SYT16: variants seen among roughly 807,000 people sequenced by gnomAD.
SYT16 encodes synaptotagmin 16, also known as synaptotagmin-16.
SYT16 carries 42 observed loss-of-function variants against 61.4 expected under a neutral mutation model. The ratio of observed to expected loss-of-function variants is 0.68; its 90% CI spans 0.53 to 0.89. SYT16 has a LOEUF of 0.89. Among genes scored for constraint, SYT16 ranks in the 40% least tolerant of loss-of-function variants. SYT16 has a pLI of 0.00. For synonymous variants in SYT16, 314 were observed against 302.3 expected (o/e 1.04, Z -0.40); for missense variants, 804 against 807.3 (o/e 1.00, Z 0.05).
intron 1 of SYT16, among the ~76,000 whole-genome samples, chr14:61,867,475 C>G (rs1444945455): frequency 6.6e-6 from 1 of 151,944 alleles, no homozygotes; most frequent in African/African-American, 2.4e-5. Context: ...TAGCCAACGT[C>G]TAGAAGACCC....
intron 1 of SYT16, among the ~76,000 whole-genome samples, chr14:61,873,609 C>T (rs1461187123): frequency 6.6e-6 from 1 of 152,160 alleles, no homozygotes; most frequent in Non-Finnish European, 1.5e-5. Context: ...ATCATTTTCT[C>T]ACATGAGTAG....
At position 62,105,011 on chromosome 14, in the gene SYT16, C is replaced by T. The variant is rs529133988; in HGVS notation, c.*4304C>T. On this transcript the variant is annotated 3_prime_UTR_variant, in exon 8 of 8. Coordinates refer to ENST00000683842, the MANE Select transcript of SYT16 (RefSeq NM_001367656.1). ...AACACTAGAGAAAAACAAAAACCAACGTTCAGATACTGTAACAAGGATAGG... is the reference window on the plus strand; with the variant it reads ...AACACTAGAGAAAAACAAAAACCAATGTTCAGATACTGTAACAAGGATAGG... 3 of 152,276 alleles carry T rather than the reference C, an allele frequency of 2.0e-5. 1 individual carries two copies. Among genetic ancestry groups the T allele is most frequent in the South Asian group, 4.1e-4 (2 of 4,826 alleles). 9.4% of individuals were successfully genotyped at this position (152,276 alleles called of 1,614,324 possible).
At position 62,086,791 on chromosome 14, in the gene SYT16, G is replaced by A. The variant is rs529020400; in HGVS notation, c.1624+2406G>A. Among the ~76,000 whole-genome samples, 7 of 152,340 alleles carry A rather than the reference G, an allele frequency of 4.6e-5. 1 individual carries two copies. Among genetic ancestry groups the A allele is most frequent in the African/African-American group, 1.7e-4 (7 of 41,584 alleles). On this transcript the variant is annotated intron_variant, in intron 7 of 7. Coordinates refer to ENST00000683842, the MANE Select transcript of SYT16 (RefSeq NM_001367656.1). ...TAAGTCTATTTGGCATTTAGTACAT[G>A]ATTTGCCATAGGCATAGTGTTGCAA...
intron 1 of SYT16, among the ~76,000 whole-genome samples, chr14:61,872,658 G>A (rs553712364): frequency 5.9e-5 from 9 of 152,192 alleles, no homozygotes; most frequent in Admixed American, 2.0e-4. Context: ...ACTGAGAAGA[G>A]GAACTGAGTA....
At chr14:61,917,126 A>T (rs1485780936) in intron 1 of SYT16, among the ~76,000 whole-genome samples, 4 of 152,162 alleles carry the variant, frequency 2.6e-5, no homozygotes, top group Admixed American at 6.5e-5. Flanking sequence ...TTGCTGGATC[A>T]TATGGTAGGT....
chr14:62,062,483 G>A (rs1257237473), intron 3 of SYT16, among the ~76,000 whole-genome samples: 3 of 152,254 alleles, frequency 2.0e-5, no homozygotes, highest in African/African-American at 4.8e-5. Context: ...ACACCTCCAC[G>A]TCTACGTTGG....
At chr14:61,932,227 C>T (rs553630238) in intron 1 of SYT16, among the ~76,000 whole-genome samples, 1 of 152,346 alleles carries the variant, frequency 6.6e-6, no homozygotes, top group South Asian at 2.1e-4. Flanking sequence ...TTGGCCTCGC[C>T]TTTCTGACTA....
chr14:61,847,525 C>A (rs560863974), intron 1 of SYT16, among the ~76,000 whole-genome samples: 2 of 151,978 alleles, frequency 1.3e-5, no homozygotes, highest in African/African-American at 4.8e-5. Context: ...TATTAAATAC[C>A]TTGAGGTAGT....
chr14:61,856,039 G>A (rs928850659), intron 1 of SYT16, among the ~76,000 whole-genome samples: 5 of 152,200 alleles, frequency 3.3e-5, no homozygotes, highest in African/African-American at 1.2e-4. Flanking sequence ...TGTGGTTGAG[G>A]GATGGCGGGG....
chr14:61,920,419 T>G (rs2049286720), intron 1 of SYT16, among the ~76,000 whole-genome samples: 1 of 152,074 alleles, frequency 6.6e-6, no homozygotes, highest in South Asian at 2.1e-4. Flanking sequence ...ATGCTCTCCC[T>G]CCCCTTGTCC....
intron 2 of SYT16, among the ~76,000 whole-genome samples, chr14:61,973,562 A>G (rs191265975): frequency 4.3e-4 from 66 of 152,326 alleles, no homozygotes; most frequent in Non-Finnish European, 1.5e-4. Context: ...ATTAAAAATA[A>G]AAATTTCACA....
chr14:61,878,254 T>C (rs1594811545), intron 1 of SYT16, among the ~76,000 whole-genome samples: 2 of 152,202 alleles, frequency 1.3e-5, no homozygotes, highest in African/African-American at 4.8e-5. Context: ...TCTCAGTATG[T>C]TTTAAACATT....
In SYT16 at chr14:61,833,185, A is replaced by G. The variant is rs114973383; in HGVS notation, c.-325+20375A>G. On this transcript the variant is annotated intron_variant, in intron 1 of 7. Transcript: ENST00000683842. ...TCCTGGATCACTTTTTATAGTAACAATTCATCTTGGAGTATTAAAAACTGT... is the reference window on the plus strand; with the variant it reads ...TCCTGGATCACTTTTTATAGTAACAGTTCATCTTGGAGTATTAAAAACTGT... Among the ~76,000 whole-genome samples, 1,454 of 152,168 alleles carry G rather than the reference A, an allele frequency of 9.6e-3. 25 individuals are homozygous for G. The highest frequency in any genetic ancestry group is 0.033 in the African/African-American group (1,379 of 41,538).
rs71449576 is a variant in SYT16, at chr14:62,039,834, TACACACAC to T, written c.524-29732_524-29725del. On this transcript the variant is annotated intron_variant, in intron 3 of 7. Coordinates refer to ENST00000683842, the MANE Select transcript of SYT16 (RefSeq NM_001367656.1). ...AGCCAAATTCAGAGGGGCTTAAGCA[TACACACAC>T]ACACACACACACACACACACACACA... is the stretch of plus-strand genomic sequence containing the variant. Among the ~76,000 whole-genome samples, 963 of 124,394 alleles carry T rather than the reference TACACACAC, an allele frequency of 7.7e-3. 1 individual carries two copies. Among genetic ancestry groups the T allele is most frequent in the African/African-American group, 0.011 (382 of 35,768 alleles). The allele number at this position is 124,394 out of a possible 152,430, so 81.6% of individuals were successfully genotyped here. A position where few individuals can be genotyped will look rare whatever the true frequency, so the allele number is the denominator to read the frequency against.
intron 3 of SYT16, among the ~76,000 whole-genome samples, chr14:62,065,514 C>G (rs1195586380): frequency 1.3e-5 from 2 of 152,062 alleles, no homozygotes; most frequent in Non-Finnish European, 2.9e-5. Context: ...GAAAAAAAAT[C>G]AAGAACCATA....
At chr14:61,876,913 A>G (rs1460355955) in intron 1 of SYT16, among the ~76,000 whole-genome samples, 1 of 152,240 alleles carries the variant, frequency 6.6e-6, no homozygotes, top group African/African-American at 2.4e-5. Context: ...TGCTTCAGCT[A>G]CAGTTGGAGA....
intron 3 of SYT16, among the ~76,000 whole-genome samples, chr14:62,058,295 G>T (rs947584998): frequency 2.6e-5 from 4 of 151,016 alleles, no homozygotes; most frequent in Non-Finnish European, 5.9e-5. Flanking sequence ...ATATCTGGAA[G>T]TGGGTGGCTA....
chr14:62,060,541 AAATT>A (rs1221009954), intron 3 of SYT16, among the ~76,000 whole-genome samples: 3 of 151,860 alleles, frequency 2.0e-5, no homozygotes, highest in Non-Finnish European at 4.4e-5. Flanking sequence ...AATTGACAAT[AAATT>A]CTGTCAGCAT....
At chr14:62,042,976 C>G (rs929700423) in intron 3 of SYT16, among the ~76,000 whole-genome samples, 2 of 152,066 alleles carry the variant, frequency 1.3e-5, no homozygotes, top group Non-Finnish European at 2.9e-5. Flanking sequence ...TTGTTTATGC[C>G]CCCATCTTTG....
Sources: allele counts gnomAD v4.1 joint callset (sites outside exome capture counted in the v4.1 genomes callset), GRCh38; gene constraint gnomAD v4.1.1; transcripts MANE v1.5; gene names NCBI Gene and HGNC (gene_info 2026-07-23, HGNC 2026-07-21).